PRAMEF20: variants seen among roughly 807,000 people sequenced by gnomAD.
The protein encoded by PRAMEF20 is PRAME family member 20/21.
In PRAMEF20, 27 loss-of-function variants were observed where a neutral mutation model predicts 32.4. That is an observed-to-expected ratio of 0.83 (90% CI 0.61 to 1.15). The LOEUF (loss-of-function observed/expected upper bound fraction) is 1.15. Ranked by LOEUF, PRAMEF20 falls within the 50% of genes most tolerant of loss-of-function variation. PRAMEF20 has a pLI of 0.00. For synonymous variants in PRAMEF20, 256 were observed against 235.4 expected (o/e 1.09, Z -0.80); for missense variants, 604 against 584.5 (o/e 1.03, Z -0.34).
chr1:13,412,793 G>A (rs955931711), upstream of PRAMEF20, among the ~76,000 whole-genome samples: 1 of 152,042 alleles, frequency 6.6e-6, no homozygotes, highest in Non-Finnish European at 1.5e-5. Flanking sequence ...GTGCGGGGGT[G>A]CATGCCTGTA....
chr1:13,418,380 T>TA lies in PRAMEF20; in HGVS notation c.548dup (p.Lys184GlufsTer58). The TA allele has an allele frequency of 6.2e-7, 1 of 1,613,804 alleles. No individual in the cohort carries two copies. Among genetic ancestry groups the TA allele is most frequent in the Non-Finnish European group, 8.5e-7 (1 of 1,179,840 alleles). On this transcript the variant is annotated frameshift_variant, in exon 2 of 3. Coordinates refer to ENST00000602960, the Ensembl canonical transcript of PRAMEF20. LOFTEE classifies it high-confidence loss of function. ...GGGAAGGTTTAGTACACCTGTGCTG[T>TA]AAGAAGCTGAAAATGTTGGGAATGC...
chr1:13,410,993 G>T, the PRAMEF20 span, among the ~76,000 whole-genome samples: 1 of 151,920 alleles, frequency 6.6e-6, no homozygotes, highest in African/African-American at 2.4e-5. Flanking sequence ...GAGTAGCTGG[G>T]ATTACAGCCG....
chr1:13,410,482 G>C, the PRAMEF20 span: 1 of 152,000 alleles, frequency 6.6e-6, no homozygotes, highest in Non-Finnish European at 1.5e-5. Context: ...GTTTCTGCTT[G>C]GTTTTTCCTG....
At chr1:13,419,978 A>G (rs1401714567) in intron 2 of PRAMEF20, among the ~76,000 whole-genome samples, 1 of 152,130 alleles carries the variant, frequency 6.6e-6, no homozygotes, top group African/African-American at 2.4e-5. Context: ...TGAAAGTGAT[A>G]GATGGTTTGC....
intron 1 of PRAMEF20, 31 bp from the exon 3 acceptor site, chr1:13,418,091 A>C: frequency 6.2e-7 from 1 of 1,611,748 alleles, no homozygotes; most frequent in Non-Finnish European, 8.5e-7. Flanking sequence ...TGAGTCCTTA[A>C]ATTCTCAGCC....
upstream of PRAMEF20, among the ~76,000 whole-genome samples, chr1:13,414,481 C>G (rs1198468628): frequency 1.3e-5 from 2 of 151,462 alleles, no homozygotes; most frequent in Non-Finnish European, 2.9e-5. Context: ...TTTTTTGAGA[C>G]AGGGTTTCAC....
chr1:13,411,185 C>G, the PRAMEF20 span, among the ~76,000 whole-genome samples: 1 of 151,636 alleles, frequency 6.6e-6, no homozygotes, highest in African/African-American at 2.4e-5. Flanking sequence ...TTAAATTAGC[C>G]GGGCATGGTG....
upstream of PRAMEF20, among the ~76,000 whole-genome samples, chr1:13,413,623 C>G (rs894216292): frequency 5.3e-5 from 8 of 152,214 alleles, no homozygotes; most frequent in South Asian, 4.1e-4. Flanking sequence ...TCTCAGCCCC[C>G]CAAAGTGCTG....
intron 1 of PRAMEF20, 119 bp downstream of exon 2, chr1:13,416,760 G>A: frequency 1.3e-6 from 2 of 1,574,620 alleles, no homozygotes; most frequent in Admixed American, 3.9e-5. Flanking sequence ...GTTTTGGTGA[G>A]GAAGCTTAGA....
chr1:13,414,365 A>C (rs1210951194), upstream of PRAMEF20, among the ~76,000 whole-genome samples: 1 of 152,010 alleles, frequency 6.6e-6, no homozygotes, highest in African/African-American at 2.4e-5. Context: ...AGCCTTCTTG[A>C]CATTTTAAAT....
upstream of PRAMEF20, among the ~76,000 whole-genome samples, chr1:13,413,502 C>G (rs1490365498): frequency 6.6e-6 from 1 of 151,956 alleles, no homozygotes; most frequent in Non-Finnish European, 1.5e-5. Context: ...GTAGCTGGGA[C>G]TACAGGCACA....
intron 1 of PRAMEF20, 38 bp downstream of exon 2, chr1:13,416,679 G>T: frequency 6.2e-7 from 1 of 1,613,664 alleles, no homozygotes; most frequent in East Asian, 2.2e-5. Flanking sequence ...GAGGGCCCAG[G>T]TGTCCAACAG....
At chr1:13,416,491 G>A (rs1034888852) in exon 1 of PRAMEF20, 1 of 1,614,168 alleles carries the variant, frequency 6.2e-7, no homozygotes, top group African/African-American at 1.3e-5. Flanking sequence ...GCCTTCAGCA[G>A]GAGACACTGT....
At chr1:13,417,910 T>TGTGTGTGTGTGTG (rs1369049111) in intron 1 of PRAMEF20, among the ~76,000 whole-genome samples, 4,212 of 124,246 alleles carry the variant, frequency 0.034, 313 homozygotes, top group Middle Eastern at 0.062. Context: ...CCCGGCTAAT[T>TGTGTGTGTGTGTG]TGTGTGTGTG....
chr1:13,414,040 TTTTG>T (rs1250384475), upstream of PRAMEF20, among the ~76,000 whole-genome samples: 2 of 152,226 alleles, frequency 1.3e-5, no homozygotes, highest in Admixed American at 6.5e-5. Context: ...TGTTTTTGTT[TTTTG>T]TTTATTTGTT....
exon 2 of PRAMEF20, chr1:13,418,293 T>C: frequency 6.2e-7 from 1 of 1,613,864 alleles, no homozygotes; most frequent in Non-Finnish European, 8.5e-7. Context: ...TCATAGACCT[T>C]TGCCTCAAGA....
At chr1:13,418,568 G>A (rs920530959) in exon 2 of PRAMEF20, 27 of 1,613,768 alleles carry the variant, frequency 1.7e-5, no homozygotes, top group African/African-American at 5.3e-5. Flanking sequence ...ATAGATTCTC[G>A]CTACATTTCC....
exon 1 of PRAMEF20, chr1:13,416,461 T>G: frequency 6.2e-7 from 1 of 1,613,826 alleles, no homozygotes; most frequent in Non-Finnish European, 8.5e-7. Context: ...ACGGAACTTT[T>G]TCCCCCATTG....
chr1:13,415,206 A>G (rs1330239802), upstream of PRAMEF20, among the ~76,000 whole-genome samples: 1 of 151,764 alleles, frequency 6.6e-6, no homozygotes, highest in African/African-American at 2.4e-5. Flanking sequence ...CAGCCTCCCA[A>G]GTAGCTGGGA....
Sources: gnomAD v4.1 joint callset for allele counts (sites outside exome capture counted in the v4.1 genomes callset) on GRCh38, gnomAD v4.1.1 for gene constraint, MANE v1.5 for transcripts, NCBI Gene and HGNC (gene_info 2026-07-23, HGNC 2026-07-21) for gene names.